ANO1: variants seen among roughly 807,000 people sequenced by gnomAD.
ANO1 encodes anoctamin 1, also known as anoctamin-1.
ANO1 carries 59 observed loss-of-function variants against 124.0 expected under a neutral mutation model. The observed-to-expected ratio is 0.48, with a 90% confidence interval of 0.39 to 0.59. The LOEUF (loss-of-function observed/expected upper bound fraction) is 0.59. Among genes scored for constraint, ANO1 ranks in the 20% least tolerant of loss-of-function variants. The pLI is 0.00. For synonymous variants in ANO1, 529 were observed against 532.0 expected (o/e 0.99, Z 0.08); for missense variants, 1,059 against 1,328.0 (o/e 0.80, Z 3.15).
In ANO1 at chr11:70,072,025, C is replaced by T. The variant is rs149644707; in HGVS notation, c.59-6517C>T. Among the ~76,000 whole-genome samples the T allele has an allele frequency of 9.1e-4, 138 of 152,276 alleles. 1 individual carries two copies. Among genetic ancestry groups the T allele is most frequent in the Non-Finnish European group, 1.3e-3 (88 of 68,020 alleles). ...CCCTGATTATTTTTACTCTTGTTAGCGTGGATAGTAGAATATCTCAATGAC... is the reference window on the plus strand; with the variant it reads ...CCCTGATTATTTTTACTCTTGTTAGTGTGGATAGTAGAATATCTCAATGAC... On this transcript the variant is annotated intron_variant, in intron 1 of 27. Coordinates refer to the ANO1 transcript ENST00000531349.
intron 5 of ANO1, 67 bp downstream of exon 5, chr11:70,105,855 T>G: frequency 6.6e-7 from 1 of 1,517,456 alleles, no homozygotes; most frequent in South Asian, 1.1e-5. Flanking sequence ...GATGATAATT[T>G]CATTTTGGTG....
intron 1 of ANO1, among the ~76,000 whole-genome samples, chr11:70,000,232 T>C (rs1475891991): frequency 6.6e-6 from 1 of 152,038 alleles, no homozygotes; most frequent in Non-Finnish European, 1.5e-5. Context: ...ATGTTTCATT[T>C]GTGTGTTTGA....
intron 5 of ANO1, among the ~76,000 whole-genome samples, chr11:70,106,559 C>CG (rs1565206041): frequency 1.3e-5 from 2 of 152,104 alleles, no homozygotes; most frequent in East Asian, 1.9e-4. Context: ...CGTACCAGCA[C>CG]GGGGGGTTCT....
chr11:70,156,447 G>A (rs1208105334), intron 15 of ANO1, among the ~76,000 whole-genome samples: 1 of 152,198 alleles, frequency 6.6e-6, no homozygotes. Flanking sequence ...TGGGTTCTGA[G>A]AGCCTTCAGG....
chr11:70,105,183 C>T (rs763901697), intron 4 of ANO1, among the ~76,000 whole-genome samples: 5 of 152,126 alleles, frequency 3.3e-5, no homozygotes, highest in Non-Finnish European at 5.9e-5. Context: ...CTGGCCCAGC[C>T]GCCCTCCCCA....
At chr11:70,179,031 C>T (rs1242227872) in intron 22 of ANO1, among the ~76,000 whole-genome samples, 1 of 152,350 alleles carries the variant, frequency 6.6e-6, no homozygotes, top group African/African-American at 2.4e-5. Flanking sequence ...CTTTGCAGAC[C>T]ACCAGCATGC....
chr11:69,985,157 C>G (rs1459873287), upstream of ANO1, among the ~76,000 whole-genome samples: 4 of 152,216 alleles, frequency 2.6e-5, no homozygotes, highest in Non-Finnish European at 5.9e-5. Flanking sequence ...GAGGAAGGGT[C>G]GGGGACAGGC....
intron 9 of ANO1, among the ~76,000 whole-genome samples, chr11:70,125,528 AAAAG>A (rs1425105576): frequency 2.7e-5 from 4 of 149,942 alleles, no homozygotes; most frequent in Non-Finnish European, 4.4e-5. Context: ...AAAAAAAAAA[AAAAG>A]AAAGAAAGGA....
At chr11:70,122,519 C>G (rs1407022929) in intron 8 of ANO1, among the ~76,000 whole-genome samples, 6 of 151,208 alleles carry the variant, frequency 4.0e-5, no homozygotes, top group Non-Finnish European at 7.4e-5. Context: ...CCTCACCTCT[C>G]TCTGTCTGTC....
chr11:70,155,955 G>T lies in ANO1; in HGVS notation c.1470G>T (p.Gln490His). 1.3e-6 allele frequency: 2 copies of T among 1,540,484 alleles called. No individual in the cohort carries two copies. Among genetic ancestry groups the T allele is most frequent in the Non-Finnish European group, 1.7e-6 (2 of 1,143,016 alleles). Residue 490 changes from glutamine to histidine, a missense_variant, in exon 15 of 26, where the codon CAG (glutamine) becomes CAT (histidine). Transcript: ENST00000355303. ...AGGAGTCAACAAACAAATGGAAGCA[G>T]AGGGTTAAGACAGCCATGGCGGGGG... Reference protein sequence around the residue: ...IPEESTNKWKQRVKTAMAGVK... With the variant: ...IPEESTNKWKHRVKTAMAGVK...
At chr11:70,075,035 T>C (rs1374254550), upstream of ANO1, 1 of 152,220 alleles carries the variant, frequency 6.6e-6, no homozygotes, top group Non-Finnish European at 1.5e-5. Flanking sequence ...ACCAAGGCCA[T>C]GCGGTTGGTT....
chr11:69,978,280 G>A, the ANO1 span, among the ~76,000 whole-genome samples: 4 of 152,310 alleles, frequency 2.6e-5, no homozygotes, highest in East Asian at 1.9e-4. Flanking sequence ...GAGCACCTCC[G>A]AGAGGGCCCA....
rs776960155 is a variant in ANO1 at position 70,149,919 on chromosome 11, GC to G, written c.1341+133del. 27 of 1,022,012 alleles carry G rather than the reference GC, an allele frequency of 2.6e-5. No individual in the cohort carries two copies. The African/African-American group carries it at 3.3e-4, about 13-fold the overall frequency. 63.3% of individuals were successfully genotyped at this position (1,022,012 alleles called of 1,614,324 possible). On this transcript the variant is annotated intron_variant, in intron 12 of 25. Transcript: ENST00000355303. The stretch of plus-strand genomic sequence containing the variant: ...TTCTGGTCCAAGCTGAGGCAAGGCC[GC>G]CCCCCATCCCCCACCCCCTGCCTGC...
chr11:70,092,055 A>G (rs547809600), intron 2 of ANO1, among the ~76,000 whole-genome samples: 2 of 152,268 alleles, frequency 1.3e-5, no homozygotes, highest in Admixed American at 6.5e-5. Context: ...CGCTCCCTCT[A>G]AGACTCCAGG....
Position 69,987,035 on chromosome 11 carries a change from G to A in ANO1, c.58+869G>A, listed in dbSNP as rs781900931. On this transcript the variant is annotated intron_variant, in intron 1 of 27. Coordinates refer to the ANO1 transcript ENST00000531349. ...TTTATTCTTCCCCCCTCCCTCCCCC[G>A]ACTTTTCTTCTTTTCGAATTCCCAT... Among the ~76,000 whole-genome samples, 43 of 151,434 alleles carry A rather than the reference G, an allele frequency of 2.8e-4. 1 individual carries two copies. Among genetic ancestry groups the A allele is most frequent in the Admixed American group, 4.6e-4 (7 of 15,234 alleles).
chr11:70,163,240 CA>C (rs769089414), intron 18 of ANO1, 42 bp from the exon 19 acceptor site: 6 of 1,602,804 alleles, frequency 3.7e-6, no homozygotes, highest in Non-Finnish European at 4.3e-6. Context: ...CGAGCTGAGC[CA>C]GGGGCTCATC....
intron 1 of ANO1, among the ~76,000 whole-genome samples, chr11:69,992,759 C>A (rs992414237): frequency 9.9e-5 from 15 of 152,146 alleles, no homozygotes; most frequent in African/African-American, 3.1e-4. Flanking sequence ...CGTCTCTCCC[C>A]GTGCCTGCCT....
chr11:70,082,107 T>G (rs2044218887), intron 1 of ANO1, among the ~76,000 whole-genome samples: 1 of 152,236 alleles, frequency 6.6e-6, no homozygotes, highest in Non-Finnish European at 1.5e-5. Context: ...TTGTGGTGTT[T>G]AAGTTGCTGG....
intron 1 of ANO1, among the ~76,000 whole-genome samples, chr11:70,070,946 G>A (rs1857857604): frequency 6.6e-6 from 1 of 152,174 alleles, no homozygotes; most frequent in Non-Finnish European, 1.5e-5. Context: ...AGCGCTGCCA[G>A]CCCCTGCCTC....
Sources: allele counts gnomAD v4.1 joint callset (sites outside exome capture counted in the v4.1 genomes callset), GRCh38; gene constraint gnomAD v4.1.1; transcripts MANE v1.5; gene names NCBI Gene and HGNC (gene_info 2026-07-23, HGNC 2026-07-21).